WNK3: variants seen among roughly 807,000 people sequenced by gnomAD.
WNK3 encodes WNK lysine deficient protein kinase 3, also known as serine/threonine-protein kinase WNK3.
WNK3 carries 18 observed loss-of-function variants against 116.7 expected under a neutral mutation model. That is an observed-to-expected ratio of 0.15 (90% CI 0.11 to 0.23). WNK3 has a LOEUF of 0.23. Among genes scored for constraint, WNK3 ranks in the 10% least tolerant of loss-of-function variants. The probability of loss-of-function intolerance (pLI) is 1.00; values close to 1 mark genes in which losing one functional copy is unlikely to be tolerated. For missense variants in WNK3, 993 were observed against 1,323.8 expected, an observed-to-expected ratio of 0.75 and a Z score of 3.88; for synonymous variants, 404 against 469.4, an observed-to-expected ratio of 0.86 and a Z score of 1.80.
At chrX:54,201,823 C>A (rs2067503663) in intron 23 of WNK3, among the ~76,000 whole-genome samples, 168 bp downstream of exon 23, 1 of 111,741 alleles carries the variant, frequency 8.9e-6, no homozygotes, top group African/African-American at 3.3e-5. Flanking sequence ...GACTCATGGT[C>A]TAAAATATAA....
At chrX:54,252,190 T>C (rs2068140640) in intron 13 of WNK3, among the ~76,000 whole-genome samples, 1 of 110,571 alleles carries the variant, frequency 9.0e-6, no homozygotes, top group South Asian at 3.8e-4. Flanking sequence ...AAAAAATACA[T>C]TAAATTATTC....
intron 2 of WNK3, among the ~76,000 whole-genome samples, chrX:54,316,895 T>C (rs1213927456): frequency 9.0e-6 from 1 of 111,637 alleles, no homozygotes; most frequent in Non-Finnish European, 1.9e-5. Context: ...TTCCTCAACA[T>C]ATTAAACATA....
intron 10 of WNK3, among the ~76,000 whole-genome samples, chrX:54,271,195 TATAAAG>T (rs1442061152): frequency 8.9e-6 from 1 of 112,186 alleles, no homozygotes; most frequent in African/African-American, 3.2e-5. Flanking sequence ...ACTTTTTACT[TATAAAG>T]ATAAAGAATA....
At chrX:54,351,955 AT>A (rs1168497939) in intron 1 of WNK3, among the ~76,000 whole-genome samples, 1 of 112,066 alleles carries the variant, frequency 8.9e-6, no homozygotes, top group Middle Eastern at 4.2e-3. Context: ...CAGAAAGACA[AT>A]TCATGGAATG....
At chrX:54,247,467 T>C (rs1359829313) in intron 17 of WNK3, among the ~76,000 whole-genome samples, 5 of 110,447 alleles carry the variant, frequency 4.5e-5, no homozygotes, top group African/African-American at 1.6e-4. Context: ...GAATAGCATA[T>C]ATGTAAATAA....
intron 22 of WNK3, among the ~76,000 whole-genome samples, chrX:54,216,150 G>A (rs2067691907): frequency 9.1e-6 from 1 of 109,991 alleles, no homozygotes; most frequent in South Asian, 4.0e-4. Context: ...GCGGAAGGTG[G>A]AAGGCGGCAG....
rs1356389564 is a variant in WNK3 at position 54,222,919 on chromosome X, T to A, written c.4870+5795A>T. On this transcript the variant is annotated intron_variant, in intron 22 of 23. Transcript: ENST00000354646. ...TATAATAATAATAATAATAATAATA[T>A]ATATATATATATATATATATAAAAA... 1.7e-4 allele frequency among the ~76,000 whole-genome samples: 15 copies of A among 88,543 alleles called. 1 individual carries two copies. Among genetic ancestry groups the A allele is most frequent in the African/African-American group, 6.0e-4 (12 of 20,096 alleles). The allele number at this position is 88,543 out of a possible 115,157, so 76.9% of individuals were successfully genotyped here.
intron 21 of WNK3, among the ~76,000 whole-genome samples, chrX:54,232,162 A>G (rs1557149110): frequency 1.9e-5 from 2 of 105,478 alleles, no homozygotes. Flanking sequence ...TGTATTTTAG[A>G]TGGAGTTTCG....
exon 16 of WNK3, chrX:54,250,063 G>A (rs782432728): frequency 2.4e-5 from 29 of 1,203,880 alleles, no homozygotes; most frequent in Middle Eastern, 2.3e-4. Context: ...TGAGTCTCAC[G>A]GTTTCTTATC....
At chrX:54,280,148 T>C (rs886198090) in intron 10 of WNK3, among the ~76,000 whole-genome samples, 1 of 110,985 alleles carries the variant, frequency 9.0e-6, no homozygotes, top group Non-Finnish European at 1.9e-5. Context: ...AATACAAAAA[T>C]TAGCTGGGCA....
intron 17 of WNK3, among the ~76,000 whole-genome samples, chrX:54,247,444 T>C (rs1400966455): frequency 2.7e-5 from 3 of 110,092 alleles, no homozygotes; most frequent in Non-Finnish European, 5.7e-5. Flanking sequence ...TACCCATAAA[T>C]GAAAAAAATG....
chrX:54,264,587 A>T (rs966159072), intron 10 of WNK3, among the ~76,000 whole-genome samples: 10 of 111,411 alleles, frequency 9.0e-5, no homozygotes, highest in Non-Finnish European at 1.9e-4. Flanking sequence ...TACCAGCACT[A>T]CAAAGACTGA....
chrX:54,294,641 C>A (rs782273326), exon 8 of WNK3: 15 of 1,206,520 alleles, frequency 1.2e-5, no homozygotes, highest in Non-Finnish European at 1.7e-5. Context: ...CACATTCAGC[C>A]CCAGTTTGCT....
intron 1 of WNK3, among the ~76,000 whole-genome samples, chrX:54,348,579 G>A (rs1213241446): frequency 1.8e-5 from 2 of 111,664 alleles, no homozygotes; most frequent in Non-Finnish European, 3.8e-5. Flanking sequence ...ATATAATGCT[G>A]CCAAATTGCC....
intron 6 of WNK3, among the ~76,000 whole-genome samples, chrX:54,299,537 G>A: frequency 1.0e-5 from 1 of 97,905 alleles, no homozygotes; most frequent in Non-Finnish European, 2.0e-5. Context: ...CAATTTTCCT[G>A]CCTCAGCCTC....
At chrX:54,238,192 C>T in intron 19 of WNK3, 150 bp downstream of exon 19, 1 of 642,173 alleles carries the variant, frequency 1.6e-6, no homozygotes, top group Non-Finnish European at 2.2e-6. Flanking sequence ...AAGATCACAC[C>T]ATTGCACTCC....
intron 2 of WNK3, among the ~76,000 whole-genome samples, chrX:54,313,147 A>C (rs2068906846): frequency 9.0e-6 from 1 of 110,763 alleles, no homozygotes; most frequent in South Asian, 3.8e-4. Context: ...TCTGCTCTCT[A>C]ATTAGTTAAG....
At chrX:54,329,127 T>C (rs1291616907) in intron 2 of WNK3, among the ~76,000 whole-genome samples, 1 of 111,940 alleles carries the variant, frequency 8.9e-6, no homozygotes, top group Non-Finnish European at 1.9e-5. Flanking sequence ...TGGTCCCATA[T>C]TTCAAGTGCT....
intron 12 of WNK3, among the ~76,000 whole-genome samples, 193 bp downstream of exon 12, chrX:54,255,547 T>C (rs2068182753): frequency 8.9e-6 from 1 of 111,800 alleles, no homozygotes; most frequent in African/African-American, 3.2e-5. Context: ...AAAAGTAGAT[T>C]TTATTTTCTT....
Sources: allele counts gnomAD v4.1 joint callset (sites outside exome capture counted in the v4.1 genomes callset), GRCh38; gene constraint gnomAD v4.1.1; transcripts MANE v1.5; gene names NCBI Gene and HGNC (gene_info 2026-07-23, HGNC 2026-07-21).